The following RCC1 variants were observed in gnomAD, a reference collection of about 807,000 sequenced individuals.
RCC1 encodes the protein regulator of chromosome condensation 1, also known as regulator of chromosome condensation.
RCC1 carries 11 observed loss-of-function variants against 44.4 expected under a neutral mutation model. That is an observed-to-expected ratio of 0.25 (90% CI 0.16 to 0.41). RCC1 has a LOEUF of 0.41. Ranked by LOEUF, RCC1 falls within the 10% of genes least tolerant of loss-of-function variation. The pLI is 1.00. For synonymous variants in RCC1, 213 were observed against 216.5 expected (o/e 0.98, Z 0.14); for missense variants, 386 against 547.1 (o/e 0.71, Z 2.94).
intron 1 of RCC1, chr1:28,506,710 GT>G (rs1661969888): frequency 6.3e-6 from 1 of 158,068 alleles, no homozygotes; most frequent in African/African-American, 2.4e-5. Flanking sequence ...ATTGCACACA[GT>G]TTTATTCTGG....
At chr1:28,524,883 T>G (rs948814990) in intron 4 of RCC1, among the ~76,000 whole-genome samples, 3 of 151,964 alleles carry the variant, frequency 2.0e-5, no homozygotes, top group Non-Finnish European at 4.4e-5. Context: ...AAAGGGTTAG[T>G]CTCCTTTATC....
chr1:28,507,089 A>G (rs995779879), intron 1 of RCC1: 1 of 197,642 alleles, frequency 5.1e-6, no homozygotes, highest in Non-Finnish European at 1.1e-5. Context: ...TTTGGGGGTA[A>G]TTAACAAGTC....
chr1:28,532,074 C>T (rs1664214322), intron 6 of RCC1, 84 bp downstream of exon 6: 1 of 1,563,072 alleles, frequency 6.4e-7, no homozygotes, highest in African/African-American at 1.4e-5. Context: ...CGCATGTTCA[C>T]TGTGGAAATG....
At chr1:28,531,713 TCTG>T in intron 5 of RCC1, 87 bp from the exon 6 acceptor site, 1 of 1,117,946 alleles carries the variant, frequency 8.9e-7, no homozygotes, top group Middle Eastern at 3.0e-4. Context: ...AGCAGGGGCT[TCTG>T]CACAGGTTTG....
intron 4 of RCC1, chr1:28,527,371 C>A: frequency 2.2e-6 from 1 of 464,586 alleles, no homozygotes; most frequent in Non-Finnish European, 4.0e-6. Flanking sequence ...TCCTGAGTAG[C>A]CAGGACTTCA....
At chr1:28,515,215 A>G (rs1198054342) in intron 3 of RCC1, among the ~76,000 whole-genome samples, 3 of 151,834 alleles carry the variant, frequency 2.0e-5, no homozygotes, top group Non-Finnish European at 4.4e-5. Context: ...GCTTGAACCC[A>G]GGAGGCAGAG....
At chr1:28,516,957 C>T (rs1662931419) in intron 4 of RCC1, 90 bp downstream of exon 4, 3 of 430,140 alleles carry the variant, frequency 7.0e-6, no homozygotes, top group African/African-American at 2.1e-5. Flanking sequence ...CCAGTCTCTA[C>T]TAAAAATACG....
At chr1:28,508,776 T>G in intron 2 of RCC1, 54 bp from the exon 3 acceptor site, 1 of 518,926 alleles carries the variant, frequency 1.9e-6, no homozygotes, top group Non-Finnish European at 3.8e-6. Flanking sequence ...GTATACTAGA[T>G]TTTAAGTTGA....
At chr1:28,518,334 G>A (rs1663027001) in intron 4 of RCC1, 1 of 152,274 alleles carries the variant, frequency 6.6e-6, no homozygotes, top group Admixed American at 6.5e-5. Context: ...GACGCGCGGA[G>A]GGTCCGGGCA....
At chr1:28,530,642 G>A (rs1664081630) in intron 5 of RCC1, 1 of 1,571,736 alleles carries the variant, frequency 6.4e-7, no homozygotes, top group Admixed American at 1.8e-5. Context: ...GGCGCCCTCT[G>A]TGCTGCCAGC....
chr1:28,531,876 G>A lies in RCC1; in HGVS notation c.147G>A (p.Gly49=). The change falls in exon 6 of 13, where the codon GGG becomes GGA. Residue 49 remains glycine, a synonymous_variant. Coordinates refer to ENST00000683442, the MANE Select transcript of RCC1 (RefSeq NM_001381865.2). Reference sequence around the variant, plus strand: ...GCCAGGGCGACGTGGGCCAGCTGGGGCTGGGTGAGAATGTGATGGAGAGGA... The same window carrying A: ...GCCAGGGCGACGTGGGCCAGCTGGGACTGGGTGAGAATGTGATGGAGAGGA... ...TLGQGDVGQL[G]LGENVMERKK... is the part of the protein sequence containing the mutation. 2 of 1,605,660 alleles carry A rather than the reference G, an allele frequency of 1.2e-6. No individual in the cohort carries two copies.
At chr1:28,517,415 T>G (rs1384357455) in intron 4 of RCC1, among the ~76,000 whole-genome samples, 1 of 152,124 alleles carries the variant, frequency 6.6e-6, no homozygotes, top group Non-Finnish European at 1.5e-5. Flanking sequence ...CCTCCCCACT[T>G]GGCTCCCGTT....
intron 12 of RCC1, 143 bp from the exon 13 acceptor site, chr1:28,537,689 T>C: frequency 1.3e-6 from 1 of 770,986 alleles, no homozygotes; most frequent in Admixed American, 2.9e-5. Context: ...TCTCCCAACT[T>C]CCCTGAACTC....
In RCC1 at chr1:28,508,776, T is replaced by C. The variant is rs114288388; in HGVS notation, c.-228-54T>C. 962 of 518,926 alleles carry C rather than the reference T, an allele frequency of 1.9e-3. 9 individuals are homozygous for C. Among genetic ancestry groups the C allele is most frequent in the African/African-American group, 0.015 (806 of 52,050 alleles). 32.1% of individuals were successfully genotyped at this position (518,926 alleles called of 1,614,324 possible). A position where few individuals can be genotyped will look rare whatever the true frequency, so the allele number is the denominator to read the frequency against. On this transcript the variant is annotated intron_variant, in intron 2 of 12. Coordinates refer to ENST00000683442, the MANE Select transcript of RCC1 (RefSeq NM_001381865.2). ...CAGGAAACATATCTAGTATACTAGATTTTAAGTTGAAGTAGGATCTTCAGG... is the reference window on the plus strand; with the variant it reads ...CAGGAAACATATCTAGTATACTAGACTTTAAGTTGAAGTAGGATCTTCAGG...
At position 28,535,857 on chromosome 1, in the gene RCC1, C is replaced by T. The variant is rs1209647114; in HGVS notation, c.662-14C>T. The T allele has an allele frequency of 6.2e-7, 1 of 1,608,286 alleles. No individual in the cohort carries two copies. Among genetic ancestry groups the T allele is most frequent in the Non-Finnish European group, 8.5e-7 (1 of 1,176,752 alleles). On this transcript the variant is annotated splice_polypyrimidine_tract_variant and intron_variant, in intron 9 of 12. Transcript: ENST00000683442. The stretch of plus-strand genomic sequence containing the variant: ...TCTGTCTGTCACTGACCGTGGCTTT[C>T]CCTTTGCCTGCAGAACGACTCCTGG...
At chr1:28,528,046 G>A (rs564079215) in intron 4 of RCC1, among the ~76,000 whole-genome samples, 2 of 148,490 alleles carry the variant, frequency 1.3e-5, no homozygotes, top group African/African-American at 5.0e-5. Context: ...TCGGCTGTAC[G>A]CAGTGGCTCA....
rs763954377 is a variant in RCC1, at chr1:28,530,593, T to C, written c.73+654T>C. 3.7e-6 allele frequency: 6 copies of C among 1,605,028 alleles called. No individual in the cohort carries two copies. In the Admixed American group the frequency reaches 6.7e-5, roughly 18 times the overall value. On this transcript the variant is annotated intron_variant, in intron 5 of 12. Coordinates refer to ENST00000683442, the MANE Select transcript of RCC1 (RefSeq NM_001381865.2). ...GCCAAGGTGCCTGCGGGCCGAGCCC[T>C]CCTGACCAGAAAACCCGACCAGGTG...
intron 4 of RCC1, among the ~76,000 whole-genome samples, chr1:28,522,518 A>G (rs1663348807): frequency 6.6e-6 from 1 of 152,038 alleles, no homozygotes. Flanking sequence ...TGGAAAGATC[A>G]TGAATGAGGC....
intron 4 of RCC1, among the ~76,000 whole-genome samples, chr1:28,525,885 G>T (rs1026700066): frequency 2.0e-5 from 3 of 152,302 alleles, no homozygotes. Context: ...GGGGCTGCTG[G>T]TTAGGCCCAG....
Sources: gnomAD v4.1 joint callset for allele counts (sites outside exome capture counted in the v4.1 genomes callset) on GRCh38, gnomAD v4.1.1 for gene constraint, MANE v1.5 for transcripts, NCBI Gene and HGNC (gene_info 2026-07-23, HGNC 2026-07-21) for gene names.